LDLRAD4: variants seen among roughly 807,000 people sequenced by gnomAD.
LDLRAD4 encodes low density lipoprotein receptor class A domain containing 4.
A neutral mutation model predicts 17.0 loss-of-function variants in LDLRAD4; 5 were observed. The observed-to-expected ratio is 0.29, with a 90% CI of 0.15 to 0.62. The LOEUF (loss-of-function observed/expected upper bound fraction) is 0.62, where lower values mean the gene tolerates loss of function less well. Ranked by LOEUF, LDLRAD4 falls within the 20% of genes least tolerant of loss-of-function variation. The pLI is 0.84. For missense variants in LDLRAD4, 340 were observed against 424.7 expected (o/e 0.80, Z 1.75); for synonymous variants, 168 against 171.8 (o/e 0.98, Z 0.17).
intron 3 of LDLRAD4, among the ~76,000 whole-genome samples, chr18:13,444,596 A>T (rs2091260646): frequency 6.6e-6 from 1 of 152,164 alleles, no homozygotes; most frequent in Admixed American, 6.5e-5. Flanking sequence ...TTCAAAGGTC[A>T]GCTGCACATA....
intron 2 of LDLRAD4, among the ~76,000 whole-genome samples, chr18:13,395,758 G>A (rs1033553800): frequency 6.8e-6 from 1 of 146,464 alleles, no homozygotes; most frequent in Non-Finnish European, 1.5e-5. Flanking sequence ...TGGGGAGCTG[G>A]CGTGGGGGTG....
chr18:13,221,352 GA>G (rs1229055912), intron 1 of LDLRAD4, among the ~76,000 whole-genome samples: 1 of 151,766 alleles, frequency 6.6e-6, no homozygotes, highest in African/African-American at 2.4e-5. Flanking sequence ...TTAGGTCTCA[GA>G]AAAAAATCTC....
At chr18:13,462,902 G>A (rs952517174) in intron 3 of LDLRAD4, among the ~76,000 whole-genome samples, 4 of 152,122 alleles carry the variant, frequency 2.6e-5, no homozygotes, top group Admixed American at 6.5e-5. Context: ...ACTCTCACGC[G>A]GAGATGTTCC....
chr18:13,265,548 G>A (rs2146032971), intron 1 of LDLRAD4, among the ~76,000 whole-genome samples: 1 of 152,314 alleles, frequency 6.6e-6, no homozygotes, highest in East Asian at 1.9e-4. Context: ...ATAGCTCCAT[G>A]CACCCAGGAG....
chr18:13,395,752 G>T (rs1486820117), intron 2 of LDLRAD4, among the ~76,000 whole-genome samples: 1 of 142,526 alleles, frequency 7.0e-6, no homozygotes, highest in Non-Finnish European at 1.5e-5. Context: ...GTGGGGTGGG[G>T]AGCTGGCGTG....
intron 2 of LDLRAD4, among the ~76,000 whole-genome samples, chr18:13,402,783 T>G (rs2087349603): frequency 6.6e-6 from 1 of 152,188 alleles, no homozygotes; most frequent in South Asian, 2.1e-4. Context: ...TGGATAAATG[T>G]CAACCAGGAA....
chr18:13,223,865 A>G (rs1407066301), intron 1 of LDLRAD4, among the ~76,000 whole-genome samples: 2 of 152,140 alleles, frequency 1.3e-5, no homozygotes, highest in African/African-American at 2.4e-5. Context: ...CCAACTTGTG[A>G]ATAAAGGGTG....
intron 2 of LDLRAD4, among the ~76,000 whole-genome samples, chr18:13,388,749 C>T (rs568303895): frequency 4.6e-5 from 7 of 152,196 alleles, no homozygotes; most frequent in South Asian, 2.1e-4. Context: ...GTGGCTTCGG[C>T]GTGAAGAGAT....
intron 1 of LDLRAD4, among the ~76,000 whole-genome samples, chr18:13,291,416 A>G (rs200658272): frequency 6.6e-6 from 1 of 152,230 alleles, no homozygotes; most frequent in East Asian, 1.9e-4. Flanking sequence ...TGGCGCTGGC[A>G]AAAGCCTTGG....
At chr18:13,285,117 C>T (rs1447854767) in intron 1 of LDLRAD4, among the ~76,000 whole-genome samples, 1 of 152,146 alleles carries the variant, frequency 6.6e-6, no homozygotes, top group Admixed American at 6.5e-5. Flanking sequence ...TTGCAGCGTC[C>T]CTCTCAAGTG....
At position 13,612,631 on chromosome 18, in the gene LDLRAD4, C is replaced by G. The variant is rs1005682574; in HGVS notation, c.182-8486C>G. On this transcript the variant is annotated intron_variant, in intron 3 of 5. Transcript: ENST00000359446. Reference sequence around the variant, plus strand: ...CTGAGCTGCCTGGAGAGGAGATTGCCGGAAGCTGAAGGGATGCTTTGAACG... The same window carrying G: ...CTGAGCTGCCTGGAGAGGAGATTGCGGGAAGCTGAAGGGATGCTTTGAACG... The G allele has an allele frequency of 3.7e-6, 6 of 1,608,890 alleles. No individual in the cohort carries two copies. In the African/African-American group the frequency reaches 8.0e-5, roughly 22 times the overall value.
chr18:13,348,716 C>T (rs765474501), intron 1 of LDLRAD4, among the ~76,000 whole-genome samples: 6 of 152,164 alleles, frequency 3.9e-5, no homozygotes, highest in African/African-American at 7.2e-5. Context: ...GCGGTAGGCT[C>T]CACCCAGTTT....
intron 2 of LDLRAD4, chr18:13,419,423 A>C (rs981525580): frequency 1.3e-5 from 2 of 152,002 alleles, no homozygotes; most frequent in Non-Finnish European, 2.9e-5. Flanking sequence ...TATTTTTTAG[A>C]GACAATCTTG....
chr18:13,563,926 GTCTCTC>G (rs5823261), intron 3 of LDLRAD4, among the ~76,000 whole-genome samples: 3 of 151,020 alleles, frequency 2.0e-5, no homozygotes, highest in Admixed American at 6.6e-5. Flanking sequence ...TTTTAAGAGA[GTCTCTC>G]TCTCTCTCTC....
intron 1 of LDLRAD4, among the ~76,000 whole-genome samples, chr18:13,227,115 C>T (rs1373745470): frequency 4.6e-5 from 7 of 152,164 alleles, no homozygotes; most frequent in South Asian, 2.1e-4. Flanking sequence ...ATTCTTGTGT[C>T]GTCTGTGGAG....
intron 2 of LDLRAD4, among the ~76,000 whole-genome samples, chr18:13,436,245 T>A (rs1161684793): frequency 2.0e-5 from 3 of 152,260 alleles, no homozygotes; most frequent in Non-Finnish European, 4.4e-5. Context: ...CGAGTTTCCA[T>A]GTCTCAGTAC....
chr18:13,375,615 T>C (rs926503109), intron 1 of LDLRAD4, among the ~76,000 whole-genome samples: 3 of 152,168 alleles, frequency 2.0e-5, no homozygotes, highest in African/African-American at 7.2e-5. Flanking sequence ...ATTTAAGTAT[T>C]TGAAGATGAA....
chr18:13,387,181 G>T (rs554125439), intron 1 of LDLRAD4, among the ~76,000 whole-genome samples, 160 bp from the exon 3 acceptor site: 1 of 152,176 alleles, frequency 6.6e-6, no homozygotes, highest in East Asian at 1.9e-4. Flanking sequence ...GGCCTTGGGG[G>T]CAGGTGGATC....
chr18:13,346,942 C>T (rs1419271884), intron 1 of LDLRAD4, among the ~76,000 whole-genome samples: 4 of 152,162 alleles, frequency 2.6e-5, no homozygotes, highest in African/African-American at 4.8e-5. Context: ...TCCTCCATCC[C>T]TTTATTTTGA....
Sources: allele counts gnomAD v4.1 joint callset (sites outside exome capture counted in the v4.1 genomes callset), GRCh38; gene constraint gnomAD v4.1.1; transcripts MANE v1.5; gene names NCBI Gene and HGNC (gene_info 2026-07-23, HGNC 2026-07-21).